The following LUC7L variants were observed in gnomAD, a reference collection of about 807,000 sequenced individuals.
LUC7L encodes the protein LUC7 like, also known as putative RNA-binding protein Luc7-like 1.
A neutral mutation model predicts 51.1 loss-of-function variants in LUC7L; 29 were observed. The observed-to-expected ratio is 0.57, with a 90% CI of 0.42 to 0.77. The LOEUF is 0.77. Ranked by LOEUF, LUC7L falls within the 30% of genes least tolerant of loss-of-function variation. The pLI is 0.00. For synonymous variants in LUC7L, 181 were observed against 180.7 expected (o/e 1.00, Z -0.01); for missense variants, 403 against 511.9 (o/e 0.79, Z 2.05).
At chr16:192,646 G>A (rs999582071) in intron 7 of LUC7L, among the ~76,000 whole-genome samples, 2 of 151,856 alleles carry the variant, frequency 1.3e-5, no homozygotes, top group Admixed American at 1.3e-4. Flanking sequence ...AGGATTACAG[G>A]CTCATGCCAG....
intron 3 of LUC7L, chr16:209,190 A>T (rs2049568336): frequency 6.7e-6 from 1 of 150,270 alleles, no homozygotes; most frequent in South Asian, 2.1e-4. Flanking sequence ...TATCAAAAAC[A>T]AAAACAAAAA....
chr16:228,866 G>A, intron 1 of LUC7L: 1 of 1,304,450 alleles, frequency 7.7e-7, no homozygotes, highest in Non-Finnish European at 1.0e-6. Context: ...GGCCCATCCG[G>A]CTCCCTCGGG....
intron 5 of LUC7L, among the ~76,000 whole-genome samples, chr16:200,341 G>A (rs560199206): frequency 1.3e-5 from 2 of 151,882 alleles, no homozygotes; most frequent in East Asian, 1.9e-4. Context: ...GGAGAATGGC[G>A]TGAACCCGGC....
chr16:198,974 C>T, intron 6 of LUC7L, 88 bp downstream of exon 6: 3 of 1,372,314 alleles, frequency 2.2e-6, no homozygotes, highest in South Asian at 3.2e-5. Context: ...GCCACCACGC[C>T]CGGCCAAAAC....
intron 3 of LUC7L, among the ~76,000 whole-genome samples, chr16:217,333 A>G (rs1477514841): frequency 2.0e-5 from 3 of 152,084 alleles, no homozygotes; most frequent in Non-Finnish European, 4.4e-5. Context: ...TTTATTCTTT[A>G]TTGAGAATTG....
intron 2 of LUC7L, among the ~76,000 whole-genome samples, chr16:223,779 C>T (rs554615231): frequency 2.2e-4 from 33 of 151,974 alleles, no homozygotes; most frequent in Admixed American, 5.9e-4. Context: ...AAGTAATCCT[C>T]CTGCCTCAGC....
intron 5 of LUC7L, among the ~76,000 whole-genome samples, chr16:205,063 A>G (rs2049444518): frequency 6.6e-6 from 1 of 152,234 alleles, no homozygotes; most frequent in Admixed American, 6.5e-5. Context: ...ACAGTAGTAC[A>G]GTACCTATTA....
At chr16:228,844 C>T (rs944880239) in intron 1 of LUC7L, 35 of 1,295,088 alleles carry the variant, frequency 2.7e-5, no homozygotes, top group Non-Finnish European at 3.2e-5. Context: ...CCAGAGCGGG[C>T]CAGGTTTTCG....
chr16:189,752 G>A, intron 9 of LUC7L: 2 of 1,395,520 alleles, frequency 1.4e-6, no homozygotes, highest in Non-Finnish European at 1.9e-6. Flanking sequence ...CGCAGGCAGG[G>A]GACAGTGCCT....
chr16:194,491 A>C (rs2049099099), intron 6 of LUC7L, among the ~76,000 whole-genome samples: 1 of 152,242 alleles, frequency 6.6e-6, no homozygotes, highest in South Asian at 2.1e-4. Context: ...ACATTGTTTC[A>C]AACCAACCCA....
intron 6 of LUC7L, among the ~76,000 whole-genome samples, chr16:194,046 GCCCGCCTCGGCCTCCCA>G (rs2049086381): frequency 1.3e-5 from 2 of 151,550 alleles, no homozygotes; most frequent in South Asian, 4.2e-4. Flanking sequence ...CTCACGATCC[GCCCGCCTCGGCCTCCCA>G]CAGTGCTGGG....
At chr16:212,289 A>G (rs1343914043) in intron 3 of LUC7L, among the ~76,000 whole-genome samples, 1 of 152,154 alleles carries the variant, frequency 6.6e-6, no homozygotes, top group Non-Finnish European at 1.5e-5. Context: ...GCGAAACTCC[A>G]TCTCAAAAAA....
intron 5 of LUC7L, among the ~76,000 whole-genome samples, chr16:201,808 ATC>A (rs763957094): frequency 4.6e-4 from 61 of 133,854 alleles, no homozygotes; most frequent in Admixed American, 2.0e-3. Context: ...CAATGGCACG[ATC>A]TCTGTTCGCT....
At chr16:215,141 C>G (rs2049753900) in intron 3 of LUC7L, among the ~76,000 whole-genome samples, 1 of 152,126 alleles carries the variant, frequency 6.6e-6, no homozygotes, top group African/African-American at 2.4e-5. Flanking sequence ...TTCATTTTCA[C>G]ATATCCTTAA....
chr16:227,204 G>A (rs2050154284), intron 2 of LUC7L, 38 bp downstream of exon 2: 3 of 1,543,514 alleles, frequency 1.9e-6, no homozygotes, highest in Non-Finnish European at 2.7e-6. Flanking sequence ...CAGCACTCAT[G>A]TCAGAGTGTT....
chr16:223,368 AAAT>A lies in LUC7L; in HGVS notation c.157-2624_157-2622del, dbSNP rs1390089036. Among the ~76,000 whole-genome samples, 3 of 152,172 alleles carry A rather than the reference AAAT, an allele frequency of 2.0e-5. No homozygotes were observed. In the East Asian group the frequency reaches 5.8e-4, roughly 29 times the overall value. ...CGTCTCAAAAAAATAAAATAAAATAAAATAATAGATAAAAAAAGAAAGCACGTG... is the reference window on the plus strand; with the variant it reads ...CGTCTCAAAAAAATAAAATAAAATAAAATAGATAAAAAAAGAAAGCACGTG... On this transcript the variant is annotated intron_variant, in intron 2 of 9. Transcript: ENST00000293872.
chr16:229,241 C>A (rs758935602), intron 1 of LUC7L, 38 bp downstream of exon 1: 3 of 1,522,460 alleles, frequency 2.0e-6, no homozygotes, highest in African/African-American at 2.8e-5. Flanking sequence ...GCCTCACTCC[C>A]ACCCCAGACC....
rs767314266 is a variant in LUC7L, at chr16:212,782, C to CT, written c.256-4595dup. On this transcript the variant is annotated intron_variant, in intron 3 of 9. Coordinates refer to ENST00000293872, the MANE Select transcript of LUC7L (RefSeq NM_201412.3). ...ACATGTGAACACTAAAGAAATATAC[C>CT]TTTTTTTTTTTTCCCGAGAGGATCT... Among the ~76,000 whole-genome samples, 231 of 146,906 alleles carry CT rather than the reference C, an allele frequency of 1.6e-3. 1 individual carries two copies. The highest frequency in any genetic ancestry group is 6.3e-3 in the East Asian group (32 of 5,068).
In LUC7L at chr16:190,030, GC is replaced by G; in HGVS notation, c.911del (p.Ser304ThrfsTer76). 6.2e-7 allele frequency: 1 copy of G among 1,613,994 alleles called. No homozygotes were observed. The highest frequency in any genetic ancestry group is 8.5e-7 in the Non-Finnish European group (1 of 1,180,018). Reference sequence around the variant, plus strand: ...GTCCCCGGCTGTGGCTCCGGGAACGGCTGCGGTGGCGCCGATGTCTATCTCG... The same window carrying G: ...GTCCCCGGCTGTGGCTCCGGGAACGGTGCGGTGGCGCCGATGTCTATCTCG... ...RSRDRHRRHRSRSRSHSRGHR... is the reference protein window; with the variant it reads ...RSRDRHRRHRXRSRSHSRGHR... On this transcript the variant is annotated frameshift_variant, in exon 9 of 10. Transcript: ENST00000293872. LOFTEE classifies it high-confidence loss of function.
Sources: allele counts gnomAD v4.1 joint callset (sites outside exome capture counted in the v4.1 genomes callset), GRCh38; gene constraint gnomAD v4.1.1; transcripts MANE v1.5; gene names NCBI Gene and HGNC (gene_info 2026-07-23, HGNC 2026-07-21).